METTL16: variants seen among roughly 807,000 people sequenced by gnomAD.
The protein encoded by METTL16 is methyltransferase 16, RNA N6-adenosine, also known as RNA N(6)-adenosine-methyltransferase METTL16.
A neutral mutation model predicts 57.9 loss-of-function variants in METTL16; 19 were observed. The observed-to-expected ratio is 0.33, with a 90% confidence interval of 0.23 to 0.48. The LOEUF (loss-of-function observed/expected upper bound fraction) is 0.48, where lower values mean the gene tolerates loss of function less well. METTL16 is among the 20% of genes least tolerant of loss of function. The pLI, the probability that METTL16 is intolerant of heterozygous loss-of-function variation, is 0.99. For synonymous variants in METTL16, 246 were observed against 255.6 expected (o/e 0.96, Z 0.36); for missense variants, 434 against 691.5 (o/e 0.63, Z 4.18).
chr17:2,490,972 A>G (rs1032973400), intron 2 of METTL16, among the ~76,000 whole-genome samples: 3 of 152,212 alleles, frequency 2.0e-5, no homozygotes, highest in African/African-American at 7.2e-5. Flanking sequence ...GTGAACACCA[A>G]TGAAGAGCTG....
chr17:2,499,314 C>T (rs1365858747), intron 2 of METTL16, among the ~76,000 whole-genome samples: 2 of 145,370 alleles, frequency 1.4e-5, no homozygotes, highest in African/African-American at 5.1e-5. Context: ...AGGAAACAAA[C>T]AATGACAAAA....
At chr17:2,506,277 CACGGTCTCCCTCTCCCTCTCCCT>C (rs1567909131) in intron 1 of METTL16, among the ~76,000 whole-genome samples, 1 of 139,374 alleles carries the variant, frequency 7.2e-6, no homozygotes, top group Non-Finnish European at 1.6e-5. Flanking sequence ...TCCCTCTCCC[CACGGTCTCCCTCTCCCTCTCCCT>C]CTCCCCCTCT....
chr17:2,447,555 T>C (rs62067059), intron 6 of METTL16, among the ~76,000 whole-genome samples: 12 of 96,364 alleles, frequency 1.2e-4, no homozygotes, highest in African/African-American at 2.3e-4. Flanking sequence ...GCCTGGCCAG[T>C]CGCCCCGTCC....
intron 6 of METTL16, among the ~76,000 whole-genome samples, chr17:2,446,156 C>T (rs1473781356): frequency 1.3e-5 from 2 of 152,178 alleles, no homozygotes; most frequent in East Asian, 3.9e-4. Flanking sequence ...AAGAAACAAA[C>T]AAAACCCCCA....
intron 2 of METTL16, among the ~76,000 whole-genome samples, chr17:2,501,845 G>A (rs1372633431): frequency 2.7e-5 from 4 of 148,894 alleles, no homozygotes; most frequent in South Asian, 2.1e-4. Context: ...GCAACAGAGC[G>A]AGACTTTGTC....
At chr17:2,505,916 C>G (rs1219241824) in intron 1 of METTL16, among the ~76,000 whole-genome samples, 13 of 152,126 alleles carry the variant, frequency 8.5e-5, no homozygotes, top group Admixed American at 2.6e-4. Context: ...CAGTTTAAGT[C>G]ACATGCCCTT....
chr17:2,484,587 C>A (rs114517908), intron 2 of METTL16, among the ~76,000 whole-genome samples: 1 of 152,112 alleles, frequency 6.6e-6, no homozygotes, highest in Non-Finnish European at 1.5e-5. Flanking sequence ...CTCCACCTCC[C>A]GGCTTCAGGC....
At chr17:2,439,429 G>A (rs374023638) in intron 7 of METTL16, among the ~76,000 whole-genome samples, 5 of 151,974 alleles carry the variant, frequency 3.3e-5, no homozygotes, top group Non-Finnish European at 7.4e-5. Context: ...ACTTACTTGC[G>A]ACCTGCCTTC....
chr17:2,486,747 T>C (rs1219406086), intron 2 of METTL16, among the ~76,000 whole-genome samples: 1 of 151,354 alleles, frequency 6.6e-6, no homozygotes, highest in Non-Finnish European at 1.5e-5. Context: ...CTGAGGTGGG[T>C]GGATGGCTTG....
chr17:2,452,191 G>T (rs930950125), intron 6 of METTL16, among the ~76,000 whole-genome samples: 2 of 146,574 alleles, frequency 1.4e-5, no homozygotes, highest in African/African-American at 5.1e-5. Flanking sequence ...TGAAGGAAAA[G>T]AAATATTTAG....
chr17:2,451,553 G>A (rs368458775), intron 6 of METTL16, among the ~76,000 whole-genome samples: 98 of 151,896 alleles, frequency 6.5e-4, no homozygotes, highest in African/African-American at 2.2e-3. Context: ...CCCAGGAGGC[G>A]GAGGTTGCAG....
At chr17:2,505,556 C>T (rs1168694467) in intron 1 of METTL16, among the ~76,000 whole-genome samples, 1 of 151,700 alleles carries the variant, frequency 6.6e-6, no homozygotes, top group Non-Finnish European at 1.5e-5. Flanking sequence ...GCCAGAACAG[C>T]CTTTTTATTT....
At chr17:2,497,150 T>G (rs2067452012) in intron 2 of METTL16, among the ~76,000 whole-genome samples, 1 of 149,424 alleles carries the variant, frequency 6.7e-6, no homozygotes. Flanking sequence ...GGATCACAAG[T>G]GCGCACCATC....
intron 6 of METTL16, among the ~76,000 whole-genome samples, chr17:2,457,025 T>G (rs988864461): frequency 5.9e-5 from 9 of 151,618 alleles, no homozygotes; most frequent in East Asian, 3.9e-4. Flanking sequence ...GTTTAAGAGA[T>G]AACAAAATTA....
At chr17:2,446,148 GAAAC>G (rs2066993748) in intron 6 of METTL16, among the ~76,000 whole-genome samples, 1 of 152,046 alleles carries the variant, frequency 6.6e-6, no homozygotes, top group South Asian at 2.1e-4. Flanking sequence ...GTGAATCTAA[GAAAC>G]AAACAAAACC....
chr17:2,477,960 C>T, intron 2 of METTL16, 75 bp from the exon 3 acceptor site: 2 of 1,320,676 alleles, frequency 1.5e-6, no homozygotes, highest in South Asian at 1.3e-5. Context: ...GGCAAACAGG[C>T]AGAACCAAAT....
At chr17:2,486,202 A>G (rs1426571853) in intron 2 of METTL16, among the ~76,000 whole-genome samples, 1 of 151,626 alleles carries the variant, frequency 6.6e-6, no homozygotes, top group African/African-American at 2.4e-5. Flanking sequence ...GTGACCATAT[A>G]ATTTTATCAT....
intron 3 of METTL16, 56 bp downstream of exon 3, chr17:2,477,630 G>T: frequency 1.5e-6 from 2 of 1,316,544 alleles, no homozygotes; most frequent in South Asian, 1.2e-5. Flanking sequence ...CAAAGAATTT[G>T]ATCTCGCAAA....
At chr17:2,439,979 T>C (rs750446768) in intron 7 of METTL16, among the ~76,000 whole-genome samples, 2 of 152,018 alleles carry the variant, frequency 1.3e-5, no homozygotes, top group Non-Finnish European at 2.9e-5. Context: ...TTGAGGCCAG[T>C]AGTTTGAGAC....
Sources: allele counts gnomAD v4.1 joint callset (sites outside exome capture counted in the v4.1 genomes callset), GRCh38; gene constraint gnomAD v4.1.1; transcripts MANE v1.5; gene names NCBI Gene and HGNC (gene_info 2026-07-23, HGNC 2026-07-21).